The following UNC5C variants were observed in gnomAD, a reference collection of about 807,000 sequenced individuals.
The protein encoded by UNC5C is netrin receptor UNC5C.
In UNC5C, 47 loss-of-function variants were observed where a neutral mutation model predicts 99.8. That is an observed-to-expected ratio of 0.47 (90% CI 0.37 to 0.60). The LOEUF is 0.60. Among genes scored for constraint, UNC5C ranks in the 20% least tolerant of loss-of-function variants. The pLI, the probability that UNC5C is intolerant of heterozygous loss-of-function variation, is 0.00. For missense variants in UNC5C, 1,062 were observed against 1,165.9 expected, an observed-to-expected ratio of 0.91 and a Z score of 1.30; for synonymous variants, 487 against 452.2, an observed-to-expected ratio of 1.08 and a Z score of -0.98.
Position 95,304,603 on chromosome 4 carries a change from A to T in UNC5C, c.347-2854T>A, listed in dbSNP as rs544843209. On this transcript the variant is annotated intron_variant, in intron 2 of 15. Transcript: ENST00000453304. ...TTTTCCCCCTACTCTCTGATGTTTG[A>T]TGGTTTTTCCCTGCTTTACTTATTT... is the stretch of plus-strand genomic sequence containing the variant. Among the ~76,000 whole-genome samples the T allele has an allele frequency of 3.3e-5, 5 of 151,414 alleles. No homozygotes were observed. In the East Asian group the frequency reaches 5.8e-4, roughly 18 times the overall value.
intron 1 of UNC5C, among the ~76,000 whole-genome samples, chr4:95,392,536 G>A (rs982431686): frequency 4.0e-5 from 6 of 151,622 alleles, no homozygotes; most frequent in East Asian, 3.9e-4. Context: ...GGACTCAAGC[G>A]AAACTCCTGC....
At chr4:95,308,615 T>C (rs140655346) in intron 2 of UNC5C, among the ~76,000 whole-genome samples, 284 of 151,664 alleles carry the variant, frequency 1.9e-3, no homozygotes, top group Non-Finnish European at 3.1e-3. Flanking sequence ...AAGTTGGGCA[T>C]GGTGGCAGGC....
intron 14 of UNC5C, among the ~76,000 whole-genome samples, chr4:95,181,108 A>G (rs1233249678): frequency 6.6e-6 from 1 of 152,162 alleles, no homozygotes; most frequent in Non-Finnish European, 1.5e-5. Flanking sequence ...GAAAAGCCGC[A>G]GAGTGCCCCT....
At chr4:95,491,010 T>C (rs1414301991) in intron 1 of UNC5C, among the ~76,000 whole-genome samples, 1 of 151,450 alleles carries the variant, frequency 6.6e-6, no homozygotes, top group Non-Finnish European at 1.5e-5. Flanking sequence ...TGGAACAGAG[T>C]AGGCGCTTAA....
chr4:95,528,076 A>G (rs1355603399), intron 1 of UNC5C, among the ~76,000 whole-genome samples: 1 of 152,220 alleles, frequency 6.6e-6, no homozygotes, highest in Non-Finnish European at 1.5e-5. Flanking sequence ...TTGCAGTTCT[A>G]AAAATTATTA....
chr4:95,258,040 T>C (rs1411417309), intron 4 of UNC5C, among the ~76,000 whole-genome samples: 2 of 152,180 alleles, frequency 1.3e-5, no homozygotes, highest in African/African-American at 2.4e-5. Context: ...TTAAAACATA[T>C]AACCTTTTCA....
At chr4:95,382,309 C>CA (rs1247251542) in intron 1 of UNC5C, among the ~76,000 whole-genome samples, 2 of 151,598 alleles carry the variant, frequency 1.3e-5, no homozygotes, top group African/African-American at 2.4e-5. Flanking sequence ...CCTGTCTCTA[C>CA]AAAAAATAAA....
At chr4:95,451,137 C>A (rs375246241) in intron 1 of UNC5C, among the ~76,000 whole-genome samples, 1 of 152,154 alleles carries the variant, frequency 6.6e-6, no homozygotes, top group East Asian at 1.9e-4. Flanking sequence ...ATTTAGAAGT[C>A]ACTTTAAATC....
intron 10 of UNC5C, among the ~76,000 whole-genome samples, chr4:95,214,595 G>T (rs556272230): frequency 6.6e-6 from 1 of 152,214 alleles, no homozygotes; most frequent in Admixed American, 6.5e-5. Flanking sequence ...GCTTCAGCCC[G>T]TGCCTGCAGC....
chr4:95,311,699 C>T (rs888015070), intron 2 of UNC5C, among the ~76,000 whole-genome samples: 7 of 152,138 alleles, frequency 4.6e-5, no homozygotes, highest in African/African-American at 1.7e-4. Context: ...TGAGACTTTA[C>T]TATGTGACAA....
chr4:95,171,383 C>T (rs1399102639), intron 14 of UNC5C, among the ~76,000 whole-genome samples: 1 of 145,166 alleles, frequency 6.9e-6, no homozygotes, highest in Admixed American at 6.9e-5. Context: ...TCCCTCCCCC[C>T]TCCCACCTCC....
At chr4:95,345,257 GA>G (rs1743728695) in intron 1 of UNC5C, among the ~76,000 whole-genome samples, 1 of 151,876 alleles carries the variant, frequency 6.6e-6, no homozygotes, top group African/African-American at 2.4e-5. Flanking sequence ...GAGAGAGAAA[GA>G]AGGTCATTAT....
At chr4:95,357,772 C>T (rs1744259614) in intron 1 of UNC5C, among the ~76,000 whole-genome samples, 1 of 152,026 alleles carries the variant, frequency 6.6e-6, no homozygotes, top group South Asian at 2.1e-4. Context: ...TCCTGGGTGA[C>T]AGAGCAGGGC....
At chr4:95,261,542 A>G (rs1020594491) in intron 4 of UNC5C, among the ~76,000 whole-genome samples, 3 of 152,216 alleles carry the variant, frequency 2.0e-5, no homozygotes, top group African/African-American at 7.2e-5. Context: ...AACATGGCAT[A>G]TAAATAACTA....
At chr4:95,294,333 A>C (rs751090366) in intron 3 of UNC5C, among the ~76,000 whole-genome samples, 8 of 152,312 alleles carry the variant, frequency 5.3e-5, no homozygotes, top group Non-Finnish European at 1.2e-4. Flanking sequence ...TCTCTCAGTG[A>C]AAATGATGAG....
intron 3 of UNC5C, among the ~76,000 whole-genome samples, chr4:95,291,930 C>T (rs1403104626): frequency 6.6e-6 from 1 of 151,844 alleles, no homozygotes; most frequent in East Asian, 1.9e-4. Context: ...GTAAAAATGC[C>T]ATTTATTCTG....
In UNC5C at chr4:95,178,058, A is replaced by G. The variant is rs533891949; in HGVS notation, c.2451+4839T>C. On this transcript the variant is annotated intron_variant, in intron 14 of 15. Transcript: ENST00000453304. ...CCTGGTTGGCTGGTATGAGGCTGCAAGGTGACCATGTGAAGTGCAGAATGC... is the reference window on the plus strand; with the variant it reads ...CCTGGTTGGCTGGTATGAGGCTGCAGGGTGACCATGTGAAGTGCAGAATGC... Among the ~76,000 whole-genome samples, 46 of 152,230 alleles carry G rather than the reference A, an allele frequency of 3.0e-4. 1 individual carries two copies. Among genetic ancestry groups the G allele is most frequent in the Middle Eastern group, 3.4e-3 (1 of 294 alleles).
chr4:95,499,677 C>T (rs952291908), intron 1 of UNC5C, among the ~76,000 whole-genome samples: 52 of 152,058 alleles, frequency 3.4e-4, no homozygotes, highest in African/African-American at 1.1e-3. Flanking sequence ...GAAACCTAAA[C>T]CCCTTCAGTC....
intron 1 of UNC5C, among the ~76,000 whole-genome samples, chr4:95,535,157 T>A (rs1722741767): frequency 6.6e-6 from 1 of 152,132 alleles, no homozygotes; most frequent in South Asian, 2.1e-4. Flanking sequence ...TCACCTAAAC[T>A]TGCTTATTCA....
Sources: allele counts gnomAD v4.1 joint callset (sites outside exome capture counted in the v4.1 genomes callset), GRCh38; gene constraint gnomAD v4.1.1; transcripts MANE v1.5; gene names NCBI Gene and HGNC (gene_info 2026-07-23, HGNC 2026-07-21).